Variants in ARID4B observed in about 807,000 individuals in gnomAD.
ARID4B encodes AT-rich interactive domain-containing protein 4B.
ARID4B carries 26 observed loss-of-function variants against 147.5 expected under a neutral mutation model. The observed-to-expected ratio is 0.18, with a 90% confidence interval of 0.13 to 0.24. ARID4B has a LOEUF of 0.24. ARID4B is among the 10% of genes least tolerant of loss of function. The pLI is 1.00. For synonymous variants in ARID4B, 512 were observed against 507.9 expected, an observed-to-expected ratio of 1.01 and a Z score of -0.11; for missense variants, 1,179 against 1,511.5, an observed-to-expected ratio of 0.78 and a Z score of 3.65.
At chr1:235,272,143 A>G (rs531662712) in intron 2 of ARID4B, among the ~76,000 whole-genome samples, 2 of 152,318 alleles carry the variant, frequency 1.3e-5, no homozygotes, top group Admixed American at 1.3e-4. Context: ...ATTAAACACT[A>G]AGTCACAAAA....
chr1:235,304,896 C>G (rs1057289691), intron 2 of ARID4B, among the ~76,000 whole-genome samples: 2 of 152,100 alleles, frequency 1.3e-5, no homozygotes, highest in African/African-American at 4.8e-5. Flanking sequence ...CATTTTATAG[C>G]GAGGCCTAAG....
intron 19 of ARID4B, among the ~76,000 whole-genome samples, chr1:235,190,651 A>C (rs1665032902): frequency 6.6e-6 from 1 of 152,232 alleles, no homozygotes; most frequent in Admixed American, 6.5e-5. Context: ...TAGAATAAAG[A>C]TATTTGCAAA....
Position 235,260,740 on chromosome 1 carries a change from G to C in ARID4B, c.19C>G (p.Pro7Ala). 1 of 1,605,444 alleles carries C rather than the reference G, an allele frequency of 6.2e-7. No homozygotes were observed. The highest frequency in any genetic ancestry group is 8.5e-7 in the Non-Finnish European group (1 of 1,177,098). The change falls in exon 3 of 24, where the codon CCT becomes GCT. Residue 7 changes from proline (P) to alanine (A), a missense_variant. By Grantham distance (27) the Pro-to-Ala change is conservative (BLOSUM62 -1). This residue lies in a region of ARID4B where 56 missense variants were observed against 99.2 expected (regional missense o/e 0.56). Coordinates refer to ENST00000264183, the MANE Select transcript of ARID4B (RefSeq NM_016374.6). MKALDE[P>A]PYLTVGTDVS... ...TCAGTGCCCACTGTCAAATAGGGAGGCTCATCAAGGGCCTAAAAATGCAAA... is the reference window on the plus strand; with the variant it reads ...TCAGTGCCCACTGTCAAATAGGGAGCCTCATCAAGGGCCTAAAAATGCAAA...
Position 235,234,304 on chromosome 1 carries a change from T to TAA in ARID4B, c.665+107_665+108dup, listed in dbSNP as rs568976250. 170 of 714,206 alleles carry TAA rather than the reference T, an allele frequency of 2.4e-4. No homozygotes were observed. The African/African-American group carries it at 2.8e-3, about 12-fold the overall frequency. 44.2% of individuals were successfully genotyped at this position (714,206 alleles called of 1,614,324 possible). ...TTGAAACATTCTGTATGATGAAAAA[T>TAA]AAAAGCCTAAGGTAATTGGAAATAA... On this transcript the variant is annotated intron_variant, in intron 9 of 23. Coordinates refer to ENST00000264183, the MANE Select transcript of ARID4B (RefSeq NM_016374.6).
At chr1:235,284,725 A>G (rs1020664006) in intron 2 of ARID4B, among the ~76,000 whole-genome samples, 1 of 152,120 alleles carries the variant, frequency 6.6e-6, no homozygotes, top group Non-Finnish European at 1.5e-5. Context: ...ATATAATGAC[A>G]TTATGAGAAA....
intron 5 of ARID4B, among the ~76,000 whole-genome samples, chr1:235,253,589 T>A (rs1025521849): frequency 2.6e-5 from 4 of 152,244 alleles, no homozygotes; most frequent in African/African-American, 9.6e-5. Flanking sequence ...TACATTTATA[T>A]GATTTTGTCA....
chr1:235,189,436 T>G (rs1664931275), intron 19 of ARID4B, among the ~76,000 whole-genome samples: 1 of 145,344 alleles, frequency 6.9e-6, no homozygotes, highest in African/African-American at 2.5e-5. Flanking sequence ...CATTGAAAAC[T>G]TAAACATTAC....
intron 2 of ARID4B, among the ~76,000 whole-genome samples, chr1:235,299,018 C>T (rs1441155728): frequency 6.6e-6 from 1 of 152,056 alleles, no homozygotes; most frequent in East Asian, 1.9e-4. Context: ...ACTCGGGAGG[C>T]AGAGGCAAGA....
At chr1:235,324,199 G>A (rs1675052729) in intron 2 of ARID4B, among the ~76,000 whole-genome samples, 1 of 152,124 alleles carries the variant, frequency 6.6e-6, no homozygotes, top group African/African-American at 2.4e-5. Context: ...GAGCCACCAT[G>A]CCCAGCCGGC....
In ARID4B at chr1:235,240,385, C is replaced by T. The variant is rs1251997415; in HGVS notation, c.513G>A (p.Glu171=). The stretch of plus-strand genomic sequence containing the variant: ...CTACACATACAACTTTGCCTAGTAG[C>T]TCATCAATCTGTTTCCTATCATCCT... ...EDEDDRKQID[E]LLGKVVCVDY... Residue 171 remains glutamate, a synonymous_variant, in exon 8 of 24, where the codon GAG becomes GAA. Transcript: ENST00000264183. The T allele has an allele frequency of 3.1e-6, 5 of 1,613,490 alleles. No individual in the cohort carries two copies. Among genetic ancestry groups the T allele is most frequent in the Non-Finnish European group, 4.2e-6 (5 of 1,179,596 alleles).
At chr1:235,319,802 G>A (rs947419259) in intron 2 of ARID4B, among the ~76,000 whole-genome samples, 1 of 151,924 alleles carries the variant, frequency 6.6e-6, no homozygotes, top group African/African-American at 2.4e-5. Context: ...AACCATCCTG[G>A]CCAACATGGT....
At chr1:235,170,212 G>T (rs1332839138) in intron 23 of ARID4B, among the ~76,000 whole-genome samples, 1 of 152,088 alleles carries the variant, frequency 6.6e-6, no homozygotes, top group African/African-American at 2.4e-5. Flanking sequence ...AAGAAAAATT[G>T]TACTGGAACA....
intron 16 of ARID4B, among the ~76,000 whole-genome samples, chr1:235,218,550 T>C (rs1276731053): frequency 2.0e-5 from 3 of 152,132 alleles, no homozygotes; most frequent in African/African-American, 7.2e-5. Context: ...TATAACAAAG[T>C]ATAATCAACA....
At chr1:235,318,704 GACTTC>G (rs1674612892) in intron 2 of ARID4B, among the ~76,000 whole-genome samples, 1 of 151,980 alleles carries the variant, frequency 6.6e-6, no homozygotes. Flanking sequence ...AACATAGTGA[GACTTC>G]ACTACTACAA....
At chr1:235,304,000 G>A (rs1673371460) in intron 2 of ARID4B, among the ~76,000 whole-genome samples, 1 of 152,044 alleles carries the variant, frequency 6.6e-6, no homozygotes, top group Non-Finnish European at 1.5e-5. Flanking sequence ...TAATAACAAA[G>A]CAAGCAATGA....
intron 2 of ARID4B, among the ~76,000 whole-genome samples, chr1:235,303,647 T>G (rs1201976811): frequency 1.3e-5 from 2 of 152,170 alleles, no homozygotes; most frequent in Non-Finnish European, 2.9e-5. Flanking sequence ...GAGGATCACT[T>G]GAGCCCAGGG....
rs952796383 is a variant in ARID4B at position 235,181,500 on chromosome 1, G to C, written c.3334+85C>G. 14 of 1,486,632 alleles carry C rather than the reference G, an allele frequency of 9.4e-6. No individual in the cohort carries two copies. In the African/African-American group the frequency reaches 1.4e-4, roughly 15 times the overall value. 92.1% of individuals were successfully genotyped at this position (1,486,632 alleles called of 1,614,324 possible). A position where few individuals can be genotyped will look rare whatever the true frequency, so the allele number is the denominator to read the frequency against. ...CAAATATGACACTTAATCGCCTCAG[G>C]TTATAACAAGAGATACTGTGAAATC... On this transcript the variant is annotated intron_variant, in intron 20 of 23. Coordinates refer to ENST00000264183, the MANE Select transcript of ARID4B (RefSeq NM_016374.6).
intron 2 of ARID4B, among the ~76,000 whole-genome samples, chr1:235,313,015 G>A (rs958735600): frequency 6.6e-6 from 1 of 152,020 alleles, no homozygotes; most frequent in Non-Finnish European, 1.5e-5. Context: ...TCTTTGATGA[G>A]GTATCCTTAT....
intron 2 of ARID4B, among the ~76,000 whole-genome samples, chr1:235,323,652 T>C (rs1675008976): frequency 6.6e-6 from 1 of 151,718 alleles, no homozygotes; most frequent in Non-Finnish European, 1.5e-5. Context: ...GGCATGATGG[T>C]GCATGCCTAT....
Sources: gnomAD v4.1 joint callset for allele counts (sites outside exome capture counted in the v4.1 genomes callset) on GRCh38, gnomAD v4.1.1 for gene constraint, gnomAD v4.1.1 regional missense constraint, MANE v1.5 for transcripts, NCBI Gene and HGNC (gene_info 2026-07-23, HGNC 2026-07-21) for gene names.